Variants in ITSN2 observed in about 807,000 individuals in gnomAD.
ITSN2 encodes intersectin 2.
A neutral mutation model predicts 243.7 loss-of-function variants in ITSN2; 156 were observed. That is an observed-to-expected ratio of 0.64 (90% CI 0.56 to 0.73). The LOEUF is 0.73. Ranked by LOEUF, ITSN2 falls within the 30% of genes least tolerant of loss-of-function variation. The pLI is 0.00. For missense variants in ITSN2, 1,801 were observed against 1,996.1 expected, an observed-to-expected ratio of 0.90 and a Z score of 1.86; for synonymous variants, 703 against 699.9, an observed-to-expected ratio of 1.00 and a Z score of -0.07.
chr2:24,229,154 A>G (rs915854762), intron 29 of ITSN2, among the ~76,000 whole-genome samples: 6 of 152,348 alleles, frequency 3.9e-5, no homozygotes, highest in Non-Finnish European at 7.3e-5. Context: ...CAAAAAAAAG[A>G]AAAAACTGAC....
chr2:24,262,582 A>G (rs2891384), intron 20 of ITSN2, among the ~76,000 whole-genome samples: 148,934 of 152,292 alleles, frequency 0.98, 72,822 homozygotes, highest in East Asian at 0.99. Context: ...CTTAAACACT[A>G]AGGACAGCCT....
chr2:24,339,470 CAAAAA>C (rs56081206), intron 1 of ITSN2, among the ~76,000 whole-genome samples: 1 of 79,646 alleles, frequency 1.3e-5, no homozygotes, highest in Non-Finnish European at 2.8e-5. Context: ...GACGCCGTCT[CAAAAA>C]AAAAAAAAAA....
Position 24,300,050 on chromosome 2 carries a change from C to T in ITSN2, c.1203G>A (p.Lys401=). The T allele has an allele frequency of 6.2e-7, 1 of 1,614,132 alleles. No homozygotes were observed. ...REAERKAQKE[K]EEWERKQREL... is the part of the protein sequence containing the mutation. ...CTCTCTGTTTTCGTTCCCACTCTTC[C>T]TTTTCTTTCTGGGCTTTACGTTCTG... The change falls in exon 12 of 40, where the codon AAG becomes AAA. Residue 401 remains lysine (K), a synonymous_variant. Coordinates refer to ENST00000355123, the MANE Select transcript of ITSN2 (RefSeq NM_006277.3).
chr2:24,211,279 G>T lies in ITSN2; in HGVS notation c.4090-332C>A, dbSNP rs1669470556. The stretch of plus-strand genomic sequence containing the variant: ...CTTCCGAAATTTAAGCCATGTAAGG[G>T]TGCGCCCTCCTGTATAAACTGGCTG... On this transcript the variant is annotated intron_variant, in intron 33 of 39. Transcript: ENST00000355123. The surrounding 1 kb of genome is among the most constrained non-coding windows in gnomAD (Gnocchi z 4.1). Among the ~76,000 whole-genome samples the T allele has an allele frequency of 6.6e-6, 1 of 152,194 alleles. No individual in the cohort carries two copies.
intron 17 of ITSN2, among the ~76,000 whole-genome samples, chr2:24,282,507 T>C (rs2151531289): frequency 6.6e-6 from 1 of 152,300 alleles, no homozygotes; most frequent in East Asian, 1.9e-4. Context: ...CAGAAATCCC[T>C]CTGTTCTGTC....
At chr2:24,302,125 C>A in intron 9 of ITSN2, 23 bp from the exon 10 acceptor site, 1 of 1,572,470 alleles carries the variant, frequency 6.4e-7, no homozygotes. Context: ...TTAAAATTCA[C>A]AACTTAATAA....
chr2:24,301,343 G>A (rs909729266), intron 10 of ITSN2, 104 bp from the exon 11 acceptor site: 19 of 579,854 alleles, frequency 3.3e-5, no homozygotes, highest in Non-Finnish European at 5.3e-5. Context: ...TGGGAATACA[G>A]TATTAAAGAT....
intron 18 of ITSN2, among the ~76,000 whole-genome samples, chr2:24,272,666 C>T (rs1677513407): frequency 6.6e-6 from 1 of 152,094 alleles, no homozygotes; most frequent in African/African-American, 2.4e-5. Flanking sequence ...GAACTCCTGG[C>T]CTCAAGTAAT....
chr2:24,335,680 C>A (rs1686282771), intron 1 of ITSN2, among the ~76,000 whole-genome samples: 1 of 56,538 alleles, frequency 1.8e-5, no homozygotes, highest in Non-Finnish European at 5.0e-5. Flanking sequence ...CACTCTATCC[C>A]CCAGGCTGGA....
intron 1 of ITSN2, among the ~76,000 whole-genome samples, chr2:24,344,512 A>C (rs2702125): frequency 0.98 from 148,897 of 152,278 alleles, 72,792 homozygotes; most frequent in East Asian, 0.99. Flanking sequence ...TAGGGAACTC[A>C]GCATTTTTCA....
chr2:24,235,573 C>T (rs902699497), intron 29 of ITSN2, among the ~76,000 whole-genome samples: 1 of 151,960 alleles, frequency 6.6e-6, no homozygotes, highest in South Asian at 2.1e-4. Flanking sequence ...ATGCCTGTGT[C>T]GGGGCAAGGG....
At position 24,212,621 on chromosome 2, in the gene ITSN2, A is replaced by G. The variant is rs1376536932; in HGVS notation, c.4089+29T>C. On this transcript the variant is annotated intron_variant, in intron 33 of 39. Coordinates refer to ENST00000355123, the MANE Select transcript of ITSN2 (RefSeq NM_006277.3). ...CCTCAGCGCATCCTGCTCCTAACTC[A>G]GACCCCACTGCCCGGCCTGCACACT... The G allele has an allele frequency of 7.1e-6, 11 of 1,559,378 alleles. No individual in the cohort carries two copies. In the East Asian group the frequency reaches 2.3e-4, roughly 32 times the overall value.
At chr2:24,325,678 A>G (rs1459939795) in intron 2 of ITSN2, among the ~76,000 whole-genome samples, 1 of 152,242 alleles carries the variant, frequency 6.6e-6, no homozygotes. Flanking sequence ...AAACTTTTAC[A>G]ATATGTAATA....
In ITSN2 at chr2:24,279,117, T is replaced by TA. The variant is rs796332008; in HGVS notation, c.1945-3269dup. On this transcript the variant is annotated intron_variant, in intron 17 of 39. Transcript: ENST00000355123. ...AGATGAGCATAATCTTTTTCTCCTT[T>TA]AGTCTGTTTATATAGTAAATTACAT... Among the ~76,000 whole-genome samples, 21 of 152,356 alleles carry TA rather than the reference T, an allele frequency of 1.4e-4. 1 individual carries two copies. The highest frequency in any genetic ancestry group is 4.8e-4 in the African/African-American group (20 of 41,580).
intron 1 of ITSN2, among the ~76,000 whole-genome samples, chr2:24,336,980 G>A (rs930882136): frequency 2.6e-5 from 4 of 151,734 alleles, no homozygotes; most frequent in Non-Finnish European, 5.9e-5. Context: ...CCAGCAGGAA[G>A]CAGAACAGGC....
rs1286290089 is a variant in ITSN2, at chr2:24,205,316, A to C, written c.4679-19T>G. On this transcript the variant is annotated intron_variant, in intron 37 of 39. Transcript: ENST00000355123. ...GAGCGGGCTACAAAAGAGGAAGACA[A>C]GTCTCATTAATCTCTTCTCCAAGGA... 6.2e-7 allele frequency: 1 copy of C among 1,602,786 alleles called. No homozygotes were observed. Among genetic ancestry groups the C allele is most frequent in the Non-Finnish European group, 8.5e-7 (1 of 1,169,978 alleles).
chr2:24,338,520 A>G (rs1197240274), intron 1 of ITSN2, among the ~76,000 whole-genome samples: 1 of 152,184 alleles, frequency 6.6e-6, no homozygotes, highest in Non-Finnish European at 1.5e-5. Flanking sequence ...CTCTTCATAT[A>G]TTTTAGAGAG....
In ITSN2 at chr2:24,212,696, A is replaced by G. The variant is rs1558431614; in HGVS notation, c.4043T>C (p.Leu1348Pro). 1.2e-6 allele frequency: 2 copies of G among 1,613,784 alleles called. No individual in the cohort carries two copies. The highest frequency in any genetic ancestry group is 1.7e-6 in the Non-Finnish European group (2 of 1,179,900). ...CKGMPLSSFL[L>P]KPMQRITRYP... ...GCGGGTGATCCTCTGCATGGGTTTC[A>G]GCAGGAAGCTGGAGAGGGGCATTCC... The change falls in exon 33 of 40, where the codon CTG becomes CCG. Residue 1348 changes from leucine (L) to proline (P), a missense_variant. Around this residue, in one of 5 missense-constraint regions of ITSN2, gnomAD observed 928 missense variants for 1,065.4 expected, o/e 0.87. Transcript: ENST00000355123.
Position 24,310,749 on chromosome 2 carries a change from G to A in ITSN2, c.353-57C>T. ...CTAGAAAATCAATTATAAAACACAT[G>A]CAAAAAACAAGTTTACAGTACAGTG... On this transcript the variant is annotated intron_variant, in intron 5 of 39. Transcript: ENST00000355123. The A allele has an allele frequency of 1.3e-5, 18 of 1,438,944 alleles. No individual in the cohort carries two copies. The Admixed American group carries it at 1.7e-4, about 14-fold the overall frequency. The allele number at this position is 1,438,944 out of a possible 1,614,324, so 89.1% of individuals were successfully genotyped here. A position where few individuals can be genotyped will look rare whatever the true frequency, so the allele number is the denominator to read the frequency against.
Sources: allele counts gnomAD v4.1 joint callset (sites outside exome capture counted in the v4.1 genomes callset), GRCh38; gene constraint gnomAD v4.1.1; regional missense constraint gnomAD v4.1.1; non-coding constraint Gnocchi (gnomAD v3.1); transcripts MANE v1.5; gene names NCBI Gene and HGNC (gene_info 2026-07-23, HGNC 2026-07-21).